The following BTRC variants were observed in gnomAD, a reference collection of about 807,000 sequenced individuals.
BTRC encodes the protein F-box/WD repeat-containing protein 1A.
A neutral mutation model predicts 85.5 loss-of-function variants in BTRC; 42 were observed. The observed-to-expected ratio is 0.49, with a 90% CI of 0.38 to 0.64. BTRC has a LOEUF of 0.64. Ranked by LOEUF, BTRC falls within the 30% of genes least tolerant of loss-of-function variation. The pLI, the probability that BTRC is intolerant of heterozygous loss-of-function variation, is 0.00. For synonymous variants in BTRC, 255 were observed against 263.3 expected, an observed-to-expected ratio of 0.97 and a Z score of 0.30; for missense variants, 594 against 743.5, an observed-to-expected ratio of 0.80 and a Z score of 2.34.
intron 6 of BTRC, 98 bp from the exon 7 acceptor site, chr10:101,531,139 C>G (rs1373329350): frequency 2.0e-6 from 2 of 1,018,648 alleles, no homozygotes; most frequent in Middle Eastern, 3.3e-4. Flanking sequence ...CTGCTGCACT[C>G]CAGCCTGGGC....
At chr10:101,379,059 AT>A (rs1194500890) in intron 1 of BTRC, among the ~76,000 whole-genome samples, 1 of 152,216 alleles carries the variant, frequency 6.6e-6, no homozygotes, top group Non-Finnish European at 1.5e-5. Flanking sequence ...ATTTCACATA[AT>A]TTAAAAACAA....
chr10:101,493,951 TTC>T (rs1414109768), intron 4 of BTRC, among the ~76,000 whole-genome samples: 4 of 152,280 alleles, frequency 2.6e-5, no homozygotes, highest in Admixed American at 6.5e-5. Flanking sequence ...CAAATAGCTT[TTC>T]TGTCATGTTA....
chr10:101,455,983 A>AACACACACACAC (rs745628596), intron 2 of BTRC, among the ~76,000 whole-genome samples: 14,848 of 95,948 alleles, frequency 0.15, 1,564 homozygotes, highest in Non-Finnish European at 0.19. Context: ...CTCTACTAAA[A>AACACACACACAC]ACACACACAC....
At chr10:101,393,878 C>T (rs1314053067) in intron 1 of BTRC, among the ~76,000 whole-genome samples, 1 of 152,190 alleles carries the variant, frequency 6.6e-6, no homozygotes, top group Non-Finnish European at 1.5e-5. Flanking sequence ...CTCATTTTCT[C>T]TCCAGATTTC....
chr10:101,539,063 A>AT (rs1491514059), intron 13 of BTRC, among the ~76,000 whole-genome samples: 1 of 151,702 alleles, frequency 6.6e-6, no homozygotes, highest in African/African-American at 2.4e-5. Context: ...AAAAAAAAAA[A>AT]ACTGCCCTGG....
chr10:101,535,425 G>A lies in BTRC; in HGVS notation c.1419G>A (p.Gln473=). The A allele has an allele frequency of 6.2e-7, 1 of 1,614,144 alleles. No homozygotes were observed. Among genetic ancestry groups the A allele is most frequent in the Non-Finnish European group, 8.5e-7 (1 of 1,180,018 alleles). Residue 473 remains glutamine, a synonymous_variant, in exon 11 of 15, where the codon CAG becomes CAA. Transcript: ENST00000370187. The part of the protein sequence containing the change: ...NGHKRGIACL[Q]YRDRLVVSGS... ...ACAAACGAGGCATTGCCTGTTTGCA[G>A]TACAGGGACAGGCTGGTAGTGAGTG...
At chr10:101,380,666 C>G (rs1052695498) in intron 1 of BTRC, among the ~76,000 whole-genome samples, 1 of 152,160 alleles carries the variant, frequency 6.6e-6, no homozygotes, top group Non-Finnish European at 1.5e-5. Context: ...ACTTATTTTT[C>G]CATTTCCTTG....
chr10:101,553,042 A>G (rs1424542802), intron 14 of BTRC, 113 bp from the exon 15 acceptor site: 1 of 152,352 alleles, frequency 6.6e-6, no homozygotes, highest in Non-Finnish European at 1.5e-5. Flanking sequence ...AGGCATTAGG[A>G]AGGACCCCTA....
chr10:101,438,412 G>T (rs1306382134), intron 2 of BTRC, among the ~76,000 whole-genome samples: 1 of 102,796 alleles, frequency 9.7e-6, no homozygotes, highest in Non-Finnish European at 1.7e-5. Flanking sequence ...GCGACAGAGC[G>T]AGACTGCCTC....
chr10:101,466,097 C>T (rs568277081), intron 3 of BTRC, among the ~76,000 whole-genome samples: 1 of 152,178 alleles, frequency 6.6e-6, no homozygotes, highest in Non-Finnish European at 1.5e-5. Context: ...GGCATTACAA[C>T]GTTCAACTCT....
rs369196107 is a variant in BTRC, at chr10:101,549,530, C to G, written c.1657-1169C>G. The stretch of plus-strand genomic sequence containing the variant: ...GAGATCAAGACCATCCTGGCTAACA[C>G]GATGAAACCCCGTCTCTACTAAAAA... On this transcript the variant is annotated intron_variant, in intron 13 of 14. Coordinates refer to ENST00000370187, the MANE Select transcript of BTRC (RefSeq NM_033637.4). Among the ~76,000 whole-genome samples the G allele has an allele frequency of 1.2e-4, 18 of 150,746 alleles. No homozygotes were observed. The East Asian group carries it at 3.1e-3, about 26-fold the overall frequency.
At chr10:101,548,211 C>T (rs371037950) in intron 13 of BTRC, among the ~76,000 whole-genome samples, 3 of 152,272 alleles carry the variant, frequency 2.0e-5, no homozygotes, top group East Asian at 3.9e-4. Flanking sequence ...ACACCTACCC[C>T]GTGGCCCAGC....
intron 2 of BTRC, among the ~76,000 whole-genome samples, chr10:101,438,795 A>G (rs1022637271): frequency 6.6e-6 from 1 of 152,152 alleles, no homozygotes; most frequent in African/African-American, 2.4e-5. Context: ...GCACAGTGCA[A>G]TCTTTTGGGG....
At chr10:101,449,972 TC>T (rs1438590352) in intron 2 of BTRC, among the ~76,000 whole-genome samples, 1 of 150,906 alleles carries the variant, frequency 6.6e-6, no homozygotes, top group Non-Finnish European at 1.5e-5. Context: ...GTAATTGCAT[TC>T]GTACATTAAG....
chr10:101,553,086 C>G (rs1564843547), intron 14 of BTRC, 69 bp from the exon 15 acceptor site: 2 of 152,566 alleles, frequency 1.3e-5, no homozygotes, highest in African/African-American at 4.8e-5. Flanking sequence ...AGTGAATGTT[C>G]TTTTGTCTTC....
At chr10:101,431,704 AGC>A (rs1944409065) in intron 2 of BTRC, among the ~76,000 whole-genome samples, 1 of 152,206 alleles carries the variant, frequency 6.6e-6, no homozygotes, top group South Asian at 2.1e-4. Context: ...ACTAAATTTT[AGC>A]TAAAAGAGGG....
intron 11 of BTRC, 27 bp downstream of exon 11, chr10:101,535,499 A>G (rs1278254597): frequency 1.4e-6 from 2 of 1,459,506 alleles, no homozygotes; most frequent in Non-Finnish European, 1.9e-6. Flanking sequence ...TTGTATCATA[A>G]GGGATCAATA....
chr10:101,378,261 GTTTT>G (rs891944647), intron 1 of BTRC, among the ~76,000 whole-genome samples: 5 of 151,472 alleles, frequency 3.3e-5, no homozygotes, highest in Non-Finnish European at 7.4e-5. Flanking sequence ...AATGTTTAGT[GTTTT>G]TTTTGAGTTG....
chr10:101,491,822 G>A (rs1304563370), intron 4 of BTRC, among the ~76,000 whole-genome samples: 1 of 152,214 alleles, frequency 6.6e-6, no homozygotes, highest in East Asian at 1.9e-4. Flanking sequence ...TCATGAGAAT[G>A]TAGCTGGACC....
Sources: allele counts gnomAD v4.1 joint callset (sites outside exome capture counted in the v4.1 genomes callset), GRCh38; gene constraint gnomAD v4.1.1; transcripts MANE v1.5; gene names NCBI Gene and HGNC (gene_info 2026-07-23, HGNC 2026-07-21).